The following SHLD1 variants were observed in gnomAD, a reference collection of about 807,000 sequenced individuals.
SHLD1 encodes RINN1-REV7-interacting novel NHEJ regulator 3.
Under a neutral mutation model 5.5 loss-of-function variants are expected in SHLD1, and 3 were observed. That is an observed-to-expected ratio of 0.54 (90% CI 0.25 to 1.40). The LOEUF (loss-of-function observed/expected upper bound fraction) is 1.40, where lower values mean the gene tolerates loss of function less well. SHLD1 is among the 40% of genes most tolerant of loss of function. The pLI is 0.15. For synonymous variants in SHLD1, 92 were observed against 94.3 expected (o/e 0.98, Z 0.14); for missense variants, 210 against 244.4 (o/e 0.86, Z 0.94).
Position 5,806,099 on chromosome 20 carries a change from A to G in SHLD1, c.178+33056A>G, listed in dbSNP as rs2087371316. 1.3e-5 allele frequency among the ~76,000 whole-genome samples: 2 copies of G among 152,176 alleles called. No homozygotes were observed. On this transcript the variant is annotated intron_variant, in intron 2 of 2. Transcript: ENST00000303142. This position sits in a 1 kb window ranked among gnomAD's most constrained non-coding sequence, Gnocchi z 7.6. ...AGGCTAGTTTAGAACTCCTGGGTTC[A>G]AGTGATTCTCCTGCGTCAGCCTCCC...
At chr20:5,773,991 G>A (rs1985310448) in intron 2 of SHLD1, among the ~76,000 whole-genome samples, 1 of 152,072 alleles carries the variant, frequency 6.6e-6, no homozygotes, top group Non-Finnish European at 1.5e-5. Flanking sequence ...ATCACCTAAG[G>A]TCAGGAGTTC....
chr20:5,827,699 G>A (rs1252576177), intron 2 of SHLD1, among the ~76,000 whole-genome samples: 1 of 152,176 alleles, frequency 6.6e-6, no homozygotes, highest in Non-Finnish European at 1.5e-5. Flanking sequence ...TCCTAGGCCT[G>A]GAGAAATGCT....
intron 2 of SHLD1, among the ~76,000 whole-genome samples, chr20:5,795,075 C>T (rs2087192029): frequency 6.6e-6 from 1 of 150,688 alleles, no homozygotes; most frequent in African/African-American, 2.4e-5. Context: ...TCTGTCTCTA[C>T]TAAAAATTCA....
At chr20:5,786,706 A>G (rs775921481) in intron 2 of SHLD1, among the ~76,000 whole-genome samples, 7 of 152,230 alleles carry the variant, frequency 4.6e-5, no homozygotes, top group Non-Finnish European at 7.3e-5. Flanking sequence ...AGAGAGGCCA[A>G]GAAGAATCTA....
chr20:5,812,090 C>CTTT (rs529793893), intron 2 of SHLD1, among the ~76,000 whole-genome samples: 1 of 116,198 alleles, frequency 8.6e-6, no homozygotes, highest in African/African-American at 3.1e-5. Flanking sequence ...CTTTTTTTTT[C>CTTT]TTTTTTTTTT....
intron 2 of SHLD1, among the ~76,000 whole-genome samples, chr20:5,775,568 G>A (rs1423967229): frequency 2.0e-5 from 3 of 151,992 alleles, no homozygotes; most frequent in Admixed American, 2.0e-4. Context: ...GATATTCTAT[G>A]CCAAAAAGGT....
intron 1 of SHLD1, among the ~76,000 whole-genome samples, chr20:5,762,452 T>C (rs1378458272): frequency 6.6e-6 from 1 of 151,876 alleles, no homozygotes; most frequent in Non-Finnish European, 1.5e-5. Context: ...ACTCTCTGAG[T>C]GGGTAATGAT....
intron 1 of SHLD1, among the ~76,000 whole-genome samples, chr20:5,751,358 G>GT (rs1983739203): frequency 6.6e-6 from 1 of 152,116 alleles, no homozygotes; most frequent in African/African-American, 2.4e-5. Context: ...CCAGGCTGGA[G>GT]TATAGTGGCA....
intron 2 of SHLD1, among the ~76,000 whole-genome samples, chr20:5,850,136 T>TAATAATAATAAC (rs2087989137): frequency 6.8e-6 from 1 of 147,782 alleles, no homozygotes. Flanking sequence ...ATAATAATAA[T>TAATAATAATAAC]AATAATAATA....
intron 2 of SHLD1, among the ~76,000 whole-genome samples, chr20:5,817,432 CTGTGTGTGTGTG>C (rs1190340129): frequency 1.5e-3 from 126 of 85,656 alleles, no homozygotes; most frequent in African/African-American, 5.3e-3. Context: ...CTCTCTCTCT[CTGTGTGTGTGTG>C]TGTGTGTGTG....
chr20:5,862,889 A>G, intron 2 of SHLD1, 135 bp from the exon 3 acceptor site: 1 of 752,218 alleles, frequency 1.3e-6, no homozygotes, highest in Non-Finnish European at 2.1e-6. Flanking sequence ...TTTTGAAATC[A>G]GCTGATATTT....
chr20:5,762,780 C>T (rs1984538041), intron 1 of SHLD1, among the ~76,000 whole-genome samples: 1 of 151,792 alleles, frequency 6.6e-6, no homozygotes, highest in Non-Finnish European at 1.5e-5. Context: ...AGAGACCATC[C>T]TGGCCAACAT....
At chr20:5,792,276 A>C (rs1489079829) in intron 2 of SHLD1, among the ~76,000 whole-genome samples, 1 of 152,156 alleles carries the variant, frequency 6.6e-6, no homozygotes, top group Non-Finnish European at 1.5e-5. Flanking sequence ...GTCTAATGTC[A>C]TGAAGCTTTT....
At chr20:5,819,725 G>A (rs1253430682) in intron 2 of SHLD1, among the ~76,000 whole-genome samples, 3 of 152,204 alleles carry the variant, frequency 2.0e-5, no homozygotes, top group Admixed American at 2.0e-4. Flanking sequence ...GGGAGGTTGA[G>A]GCAGGAGGAT....
At chr20:5,816,102 AAAAAAG>A (rs1328818038) in intron 2 of SHLD1, among the ~76,000 whole-genome samples, 4 of 151,490 alleles carry the variant, frequency 2.6e-5, no homozygotes, top group African/African-American at 9.7e-5. Flanking sequence ...AAAAAAAAAA[AAAAAAG>A]AAAGAAAAAG....
Position 5,806,779 on chromosome 20 carries a change from T to C in SHLD1, c.178+33736T>C, listed in dbSNP as rs1483957805. 6.6e-6 allele frequency among the ~76,000 whole-genome samples: 1 copy of C among 152,192 alleles called. No individual in the cohort carries two copies. Among genetic ancestry groups the C allele is most frequent in the Non-Finnish European group, 1.5e-5 (1 of 68,040 alleles). ...AAGATACCAACATTTCTTATTTACA[T>C]CCTGTGTTGTTGTTTCTCCGCACCC... On this transcript the variant is annotated intron_variant, in intron 2 of 2. Coordinates refer to ENST00000303142, the MANE Select transcript of SHLD1 (RefSeq NM_152504.4). The surrounding 1 kb of genome is among the most constrained non-coding windows in gnomAD (Gnocchi z 7.6).
intron 2 of SHLD1, among the ~76,000 whole-genome samples, chr20:5,848,188 T>A (rs2087954411): frequency 6.6e-6 from 1 of 152,332 alleles, no homozygotes; most frequent in East Asian, 1.9e-4. Flanking sequence ...AGCAACACTC[T>A]TGCATATGGA....
chr20:5,769,691 G>A (rs899984698), intron 1 of SHLD1, among the ~76,000 whole-genome samples: 10 of 152,026 alleles, frequency 6.6e-5, no homozygotes, highest in African/African-American at 2.4e-4. Flanking sequence ...CCTTCTTTTT[G>A]TGGTGATGTG....
intron 2 of SHLD1, among the ~76,000 whole-genome samples, chr20:5,822,205 C>G (rs2122414709): frequency 6.6e-6 from 1 of 152,290 alleles, no homozygotes; most frequent in South Asian, 2.1e-4. Context: ...TGCCTGTAAT[C>G]CCAGCACTTT....
Sources: gnomAD v4.1 joint callset for allele counts (sites outside exome capture counted in the v4.1 genomes callset) on GRCh38, gnomAD v4.1.1 for gene constraint, Gnocchi (gnomAD v3.1) non-coding constraint, MANE v1.5 for transcripts, NCBI Gene and HGNC (gene_info 2026-07-23, HGNC 2026-07-21) for gene names.